Variants in PTPRN2 observed in about 807,000 individuals in gnomAD.
PTPRN2 encodes protein tyrosine phosphatase receptor type N2, also known as receptor-type tyrosine-protein phosphatase N2.
In PTPRN2, 74 loss-of-function variants were observed where a neutral mutation model predicts 118.8. The ratio of observed to expected loss-of-function variants is 0.62; its 90% confidence interval spans 0.52 to 0.76. The LOEUF (loss-of-function observed/expected upper bound fraction) is 0.76. Ranked by LOEUF, PTPRN2 falls within the 30% of genes least tolerant of loss-of-function variation. The pLI is 0.00. For synonymous variants in PTPRN2, 641 were observed against 608.0 expected, an observed-to-expected ratio of 1.05 and a Z score of -0.80; for missense variants, 1,481 against 1,394.4, an observed-to-expected ratio of 1.06 and a Z score of -0.99.
At chr7:157,884,822 A>G (rs1015973652) in intron 12 of PTPRN2, among the ~76,000 whole-genome samples, 1 of 152,150 alleles carries the variant, frequency 6.6e-6, no homozygotes, top group Non-Finnish European at 1.5e-5. Flanking sequence ...ACATGTGGCA[A>G]TTGTGGGAGT....
At chr7:157,750,197 T>C (rs1801377495) in intron 12 of PTPRN2, among the ~76,000 whole-genome samples, 1 of 152,156 alleles carries the variant, frequency 6.6e-6, no homozygotes. Context: ...TAATTTTTAT[T>C]ATATCATCTT....
At chr7:158,232,367 A>G (rs1829214898) in intron 3 of PTPRN2, among the ~76,000 whole-genome samples, 1 of 152,130 alleles carries the variant, frequency 6.6e-6, no homozygotes, top group African/African-American at 2.4e-5. Context: ...AAATAGGTAC[A>G]TTCCTGGACA....
At chr7:157,960,006 T>A (rs1416308290) in intron 11 of PTPRN2, among the ~76,000 whole-genome samples, 1 of 152,128 alleles carries the variant, frequency 6.6e-6, no homozygotes, top group Non-Finnish European at 1.5e-5. Flanking sequence ...GCCCTAAAAG[T>A]GAAGGACATT....
chr7:157,746,589 G>A (rs907197262), intron 12 of PTPRN2, among the ~76,000 whole-genome samples: 5 of 151,094 alleles, frequency 3.3e-5, no homozygotes, highest in East Asian at 2.0e-4. Context: ...TGGAGATCAC[G>A]GGCCTCCATA....
chr7:158,070,812 GA>G (rs2128916721), intron 11 of PTPRN2, among the ~76,000 whole-genome samples: 1 of 130,102 alleles, frequency 7.7e-6, no homozygotes, highest in South Asian at 2.7e-4. Flanking sequence ...CCGTGGTGGT[GA>G]AGGTGCCCGT....
At chr7:158,489,452 A>G (rs541491406) in intron 2 of PTPRN2, among the ~76,000 whole-genome samples, 1 of 152,338 alleles carries the variant, frequency 6.6e-6, no homozygotes, top group Admixed American at 6.5e-5. Context: ...GTCTCAAAAA[A>G]ATTTTTTAAA....
chr7:158,085,379 C>CAG (rs1554533431), intron 10 of PTPRN2, among the ~76,000 whole-genome samples: 20 of 92,714 alleles, frequency 2.2e-4, no homozygotes, highest in Admixed American at 4.3e-4. Context: ...CCCATCCACA[C>CAG]ATGCCCATCC....
At chr7:158,368,136 T>C (rs1418690746) in intron 2 of PTPRN2, among the ~76,000 whole-genome samples, 1 of 152,208 alleles carries the variant, frequency 6.6e-6, no homozygotes, top group Non-Finnish European at 1.5e-5. Flanking sequence ...AGTCAGAGAA[T>C]TTGTCCTGTA....
At chr7:157,962,717 G>C (rs529474814) in intron 11 of PTPRN2, among the ~76,000 whole-genome samples, 1 of 152,158 alleles carries the variant, frequency 6.6e-6, no homozygotes, top group African/African-American at 2.4e-5. Flanking sequence ...GGAAGGGTTC[G>C]TGACACCTGT....
At chr7:158,424,898 G>A (rs1238339840) in intron 2 of PTPRN2, among the ~76,000 whole-genome samples, 2 of 151,548 alleles carry the variant, frequency 1.3e-5, no homozygotes, top group Admixed American at 1.3e-4. Context: ...CCTCAAGAAG[G>A]TCCGGGGATC....
intron 11 of PTPRN2, among the ~76,000 whole-genome samples, chr7:158,071,499 CTGGTGGAGATGCTCGTGG>C (rs1257889541): frequency 9.0e-5 from 10 of 110,728 alleles, no homozygotes; most frequent in African/African-American, 2.2e-4. Flanking sequence ...GCAGGTGCTC[CTGGTGGAGATGCTCGTGG>C]TGGTGGAGAT....
chr7:158,439,677 G>T (rs956310837), intron 2 of PTPRN2, among the ~76,000 whole-genome samples: 4 of 152,148 alleles, frequency 2.6e-5, no homozygotes, highest in African/African-American at 9.7e-5. Flanking sequence ...TTAATATAAA[G>T]ATTGCATATT....
chr7:158,006,868 A>T (rs957976122), intron 11 of PTPRN2, among the ~76,000 whole-genome samples: 1 of 152,198 alleles, frequency 6.6e-6, no homozygotes, highest in African/African-American at 2.4e-5. Flanking sequence ...TCATGCGGTC[A>T]TGACATTTTG....
chr7:157,736,415 C>T (rs1243429879), intron 12 of PTPRN2, among the ~76,000 whole-genome samples: 1 of 152,210 alleles, frequency 6.6e-6, no homozygotes. Context: ...GGCCCCGATC[C>T]TACAGGACTG....
At chr7:157,905,164 C>T (rs1797702796) in intron 11 of PTPRN2, among the ~76,000 whole-genome samples, 1 of 152,198 alleles carries the variant, frequency 6.6e-6, no homozygotes, top group African/African-American at 2.4e-5. Flanking sequence ...CACACCTACT[C>T]CTTTTAAGTC....
Position 158,565,496 on chromosome 7 carries a change from C to G in PTPRN2, c.112+22062G>C, listed in dbSNP as rs922546221. Among the ~76,000 whole-genome samples, 1 of 152,166 alleles carries G rather than the reference C, an allele frequency of 6.6e-6. No individual in the cohort carries two copies. Among genetic ancestry groups the G allele is most frequent in the Non-Finnish European group, 1.5e-5 (1 of 68,030 alleles). ...GGTGGACGTGTCCCCAAAATAGCAG[C>G]TTTGCTCAGAATTCCAAACAGGGCC... On this transcript the variant is annotated intron_variant, in intron 1 of 22. Transcript: ENST00000389418. This position sits in a 1 kb window ranked among gnomAD's most constrained non-coding sequence, Gnocchi z 4.6.
chr7:157,900,347 G>GAC (rs1797371600), intron 11 of PTPRN2, among the ~76,000 whole-genome samples: 1 of 152,226 alleles, frequency 6.6e-6, no homozygotes, highest in African/African-American at 2.4e-5. Flanking sequence ...CAGTGGGCCT[G>GAC]ACTTGACCTG....
intron 2 of PTPRN2, among the ~76,000 whole-genome samples, chr7:158,325,566 T>C (rs1803433916): frequency 6.6e-6 from 1 of 152,224 alleles, no homozygotes; most frequent in Non-Finnish European, 1.5e-5. Flanking sequence ...ACGTGAAAAC[T>C]GATTTATCTC....
chr7:157,588,979 T>G (rs2021742), intron 17 of PTPRN2, among the ~76,000 whole-genome samples: 39 of 152,112 alleles, frequency 2.6e-4, no homozygotes, highest in African/African-American at 9.2e-4. Context: ...AACATATAAT[T>G]TACCGTTTGT....
Sources: allele counts gnomAD v4.1 joint callset (sites outside exome capture counted in the v4.1 genomes callset), GRCh38; gene constraint gnomAD v4.1.1; non-coding constraint Gnocchi (gnomAD v3.1); transcripts MANE v1.5; gene names NCBI Gene and HGNC (gene_info 2026-07-23, HGNC 2026-07-21).